LINC01488: variants seen among roughly 807,000 people sequenced by gnomAD.
LINC01488 encodes the protein CCND1-upstream intergenic DNA repair 1.
chr11:69,486,505 G>A (rs1237759879), intron 1 of LINC01488, among the ~76,000 whole-genome samples: 1 of 152,218 alleles, frequency 6.6e-6, no homozygotes. Context: ...TGCCGCAAGG[G>A]GCCCGTGGGC....
At chr11:69,486,001 C>T (rs2134968171) in intron 1 of LINC01488, 1 of 152,372 alleles carries the variant, frequency 6.6e-6, no homozygotes, top group African/African-American at 2.4e-5. Context: ...GTCTGAGATC[C>T]TGGAGGCATC....
At chr11:69,490,523 A>C (rs1028886052) in exon 2 of LINC01488, 1 of 152,264 alleles carries the variant, frequency 6.6e-6, no homozygotes, top group Non-Finnish European at 1.5e-5. Context: ...GCATTAAAAC[A>C]ATGGAAGCAG....
chr11:69,482,735 C>T (rs1018661207), intron 1 of LINC01488, among the ~76,000 whole-genome samples: 9 of 152,230 alleles, frequency 5.9e-5, no homozygotes, highest in Non-Finnish European at 1.0e-4. Flanking sequence ...GTTCTGCAGA[C>T]TGGACTGCTT....
chr11:69,493,013 CA>C (rs1470434578), exon 4 of LINC01488: 1 of 152,286 alleles, frequency 6.6e-6, no homozygotes, highest in Non-Finnish European at 1.5e-5. Context: ...GCCACACAGA[CA>C]GCACCTTGGA....
chr11:69,483,395 C>T (rs1383858021), intron 1 of LINC01488, among the ~76,000 whole-genome samples: 4 of 152,212 alleles, frequency 2.6e-5, no homozygotes, highest in African/African-American at 7.2e-5. Context: ...CTTCAGGTTC[C>T]TTCTCTATAA....
intron 1 of LINC01488, chr11:69,487,964 G>A (rs1857151721): frequency 6.6e-6 from 1 of 152,534 alleles, no homozygotes; most frequent in South Asian, 2.1e-4. Context: ...GGAAACTGAG[G>A]CACAGACATG....
At chr11:69,489,787 A>G (rs1014811046) in intron 1 of LINC01488, among the ~76,000 whole-genome samples, 3 of 152,044 alleles carry the variant, frequency 2.0e-5, no homozygotes, top group Non-Finnish European at 4.4e-5. Flanking sequence ...CTCACAGAGA[A>G]CCCCCGTGGC....
At position 69,487,082 on chromosome 11, in the gene LINC01488, G is replaced by C. The variant is rs776814385; in HGVS notation, n.123-3413G>C. On this transcript the variant is annotated intron_variant and non_coding_transcript_variant, in intron 1 of 3. Transcript: ENST00000644563. ...AAGGCTTGCAAGCGCATTCCCAGGT[G>C]GCCTGGGGCGGCTGCCGCCTCCCGC... 4.6e-5 allele frequency among the ~76,000 whole-genome samples: 7 copies of C among 152,352 alleles called. No individual in the cohort carries two copies. In the East Asian group the frequency reaches 7.7e-4, roughly 17 times the overall value.
intron 3 of LINC01488, chr11:69,491,572 C>G (rs1425472250): frequency 1.3e-5 from 2 of 152,384 alleles, no homozygotes; most frequent in African/African-American, 4.8e-5. Flanking sequence ...GTCTCCTGCT[C>G]TGCCTGAACC....
intron 1 of LINC01488, among the ~76,000 whole-genome samples, chr11:69,487,110 G>A (rs1238439743): frequency 3.3e-5 from 5 of 152,256 alleles, no homozygotes; most frequent in African/African-American, 2.4e-5. Context: ...CCTCCCGCAG[G>A]CGGAGTATTT....
intron 1 of LINC01488, among the ~76,000 whole-genome samples, chr11:69,484,764 T>TG (rs1390943406): frequency 6.6e-5 from 10 of 152,222 alleles, no homozygotes; most frequent in South Asian, 6.2e-4. Flanking sequence ...CCTGCACTCC[T>TG]GGGGCCTCGT....
rs932314728 is a variant in LINC01488 at position 69,484,274 on chromosome 11, G to A, written n.122+2491G>A. ...GGGAGAAGGAGAGTCAGCGCTGCCCGGTGAGAGGACACAGAGGCTCTGTGG... is the reference window on the plus strand; with the variant it reads ...GGGAGAAGGAGAGTCAGCGCTGCCCAGTGAGAGGACACAGAGGCTCTGTGG... On this transcript the variant is annotated intron_variant and non_coding_transcript_variant, in intron 1 of 3. Coordinates refer to ENST00000644563, the Ensembl canonical transcript of LINC01488. 3.9e-5 allele frequency among the ~76,000 whole-genome samples: 6 copies of A among 152,300 alleles called. No individual in the cohort carries two copies. In the South Asian group the frequency reaches 8.3e-4, roughly 21 times the overall value.
chr11:69,488,801 C>G (rs559910963), intron 1 of LINC01488, among the ~76,000 whole-genome samples: 1 of 152,196 alleles, frequency 6.6e-6, no homozygotes, highest in South Asian at 2.1e-4. Context: ...GAACCGGCAG[C>G]AAAGGGCCGA....
chr11:69,488,934 C>T (rs1278068024), intron 1 of LINC01488, among the ~76,000 whole-genome samples: 1 of 152,234 alleles, frequency 6.6e-6, no homozygotes, highest in African/African-American at 2.4e-5. Flanking sequence ...TTTTGCATTC[C>T]CACAGTGGGG....
At chr11:69,487,326 G>T (rs554284002) in intron 1 of LINC01488, among the ~76,000 whole-genome samples, 1 of 152,318 alleles carries the variant, frequency 6.6e-6, no homozygotes, top group South Asian at 2.1e-4. Context: ...AGGGAGCCCC[G>T]TGAGGGCTGC....
chr11:69,483,913 C>T (rs1039931038), intron 1 of LINC01488, among the ~76,000 whole-genome samples: 5 of 152,184 alleles, frequency 3.3e-5, no homozygotes, highest in African/African-American at 4.8e-5. Flanking sequence ...CTGTCTCAGG[C>T]GCTTCAAAGA....
At chr11:69,487,891 C>T (rs1195298113) in intron 1 of LINC01488, 1 of 152,284 alleles carries the variant, frequency 6.6e-6, no homozygotes, top group Non-Finnish European at 1.5e-5. Context: ...TGTCCCTTGT[C>T]CTCCCAGGTC....
intron 1 of LINC01488, among the ~76,000 whole-genome samples, chr11:69,489,792 C>T (rs921369296): frequency 8.5e-5 from 13 of 152,250 alleles, no homozygotes; most frequent in African/African-American, 2.4e-4. Flanking sequence ...AGAGAACCCC[C>T]GTGGCCGAGC....
Position 69,486,615 on chromosome 11 carries a change from C to T in LINC01488, n.123-3880C>T, listed in dbSNP as rs536765046. On this transcript the variant is annotated intron_variant and non_coding_transcript_variant, in intron 1 of 3. Transcript: ENST00000644563. Reference sequence around the variant, plus strand: ...CCCCTCGCTGTCCTGGGGGGTCTTCCTGAGGGAGGTGCCTTCTGCTCAGAG... The same window carrying T: ...CCCCTCGCTGTCCTGGGGGGTCTTCTTGAGGGAGGTGCCTTCTGCTCAGAG... Among the ~76,000 whole-genome samples the T allele has an allele frequency of 1.5e-4, 23 of 152,256 alleles. 1 individual carries two copies. In the South Asian group the frequency reaches 4.6e-3, roughly 30 times the overall value.
Sources: gnomAD v4.1 joint callset for allele counts (sites outside exome capture counted in the v4.1 genomes callset) on GRCh38, gnomAD v4.1.1 for gene constraint, MANE v1.5 for transcripts, NCBI Gene and HGNC (gene_info 2026-07-23, HGNC 2026-07-21) for gene names.